The following PDGFC variants were observed in gnomAD, a reference collection of about 807,000 sequenced individuals.
PDGFC encodes platelet derived growth factor C.
In PDGFC, 12 loss-of-function variants were observed where a neutral mutation model predicts 35.5. The ratio of observed to expected loss-of-function variants is 0.34; its 90% CI spans 0.22 to 0.55. The LOEUF is 0.55. Ranked by LOEUF, PDGFC falls within the 20% of genes least tolerant of loss-of-function variation. PDGFC has a pLI of 0.91. For synonymous variants in PDGFC, 159 were observed against 148.8 expected (o/e 1.07, Z -0.50); for missense variants, 322 against 412.4 (o/e 0.78, Z 1.90).
chr4:156,824,327 T>TATATACACACATATACACATAC (rs1491500876), intron 2 of PDGFC, among the ~76,000 whole-genome samples: 7 of 102,830 alleles, frequency 6.8e-5, no homozygotes, highest in African/African-American at 3.2e-4. Context: ...TATATATATA[T>TATATACACACATATACACATAC]ACACACACAC....
intron 3 of PDGFC, among the ~76,000 whole-genome samples, chr4:156,782,439 A>G (rs552883122): frequency 6.6e-6 from 1 of 152,186 alleles, no homozygotes; most frequent in Non-Finnish European, 1.5e-5. Context: ...TAAAGTAACT[A>G]GTTAGCATGC....
At chr4:156,917,875 A>C (rs1383012419) in intron 1 of PDGFC, among the ~76,000 whole-genome samples, 2 of 152,202 alleles carry the variant, frequency 1.3e-5, no homozygotes, top group African/African-American at 4.8e-5. Context: ...GTAGGTTCAT[A>C]CTCTAAACCA....
At chr4:156,861,442 T>C in intron 1 of PDGFC, 4 of 1,243,846 alleles carry the variant, frequency 3.2e-6, no homozygotes, top group South Asian at 1.3e-5. Flanking sequence ...TTAAATGTTC[T>C]TTCTCCTCTT....
At chr4:156,859,770 G>A (rs995558646) in intron 1 of PDGFC, among the ~76,000 whole-genome samples, 3 of 151,976 alleles carry the variant, frequency 2.0e-5, no homozygotes, top group Non-Finnish European at 2.9e-5. Context: ...ATAGTTTGTG[G>A]GAAGACGGGT....
chr4:156,825,603 A>T (rs1284234686), intron 2 of PDGFC, among the ~76,000 whole-genome samples: 4 of 104,790 alleles, frequency 3.8e-5, no homozygotes, highest in Non-Finnish European at 7.9e-5. Flanking sequence ...TAAGAAGAAG[A>T]AGAAGAAGAA....
chr4:156,808,513 G>C (rs1731834235), intron 3 of PDGFC, among the ~76,000 whole-genome samples: 1 of 151,870 alleles, frequency 6.6e-6, no homozygotes, highest in Non-Finnish European at 1.5e-5. Context: ...GGGCTTGGAG[G>C]GACCCTTGCC....
chr4:156,801,118 G>C (rs1731593582), intron 3 of PDGFC, among the ~76,000 whole-genome samples: 1 of 152,044 alleles, frequency 6.6e-6, no homozygotes, highest in Non-Finnish European at 1.5e-5. Context: ...CCAGACGTTT[G>C]CATTTCTGAT....
At chr4:156,814,986 C>G (rs1026609973) in intron 2 of PDGFC, among the ~76,000 whole-genome samples, 1 of 152,030 alleles carries the variant, frequency 6.6e-6, no homozygotes, top group African/African-American at 2.4e-5. Context: ...GGATTTGCAG[C>G]GAGACAGCTG....
intron 2 of PDGFC, among the ~76,000 whole-genome samples, chr4:156,845,013 C>G (rs1301895601): frequency 6.6e-6 from 1 of 151,868 alleles, no homozygotes; most frequent in East Asian, 1.9e-4. Flanking sequence ...AACTAAATAT[C>G]TGAAGCAAAT....
chr4:156,837,740 T>C (rs1284380551), intron 2 of PDGFC, among the ~76,000 whole-genome samples: 2 of 152,092 alleles, frequency 1.3e-5, no homozygotes, highest in East Asian at 3.9e-4. Context: ...AGGGAGGTGT[T>C]GACAATAGAA....
intron 2 of PDGFC, among the ~76,000 whole-genome samples, chr4:156,835,071 G>C (rs1339332630): frequency 6.6e-6 from 1 of 152,164 alleles, no homozygotes; most frequent in Non-Finnish European, 1.5e-5. Flanking sequence ...TTTAGATGAG[G>C]TGTGGGATAG....
rs755681238 is a variant in PDGFC, at chr4:156,970,786, C to T, written c.118G>A (p.Gly40Arg). ...GGGGGAGAATGGGGGAAAGACTCAC[C>T]GTTCTGTTCCTTGTTGCTGGAAAAC... ...FQFSSNKEQN[G>R]VQDPQHERII... Residue 40 changes from glycine to arginine, a missense_variant and splice_region_variant, in exon 1 of 6, where the codon GGA becomes AGA. This residue lies in a region of PDGFC where 120 missense variants were observed against 116.6 expected (regional missense o/e 1.03). Transcript: ENST00000502773. 19 of 1,574,640 alleles carry T rather than the reference C, an allele frequency of 1.2e-5. No homozygotes were observed. Among genetic ancestry groups the T allele is most frequent in the Non-Finnish European group, 1.7e-5 (19 of 1,144,020 alleles).
At chr4:156,780,340 G>A (rs1730945082) in intron 3 of PDGFC, among the ~76,000 whole-genome samples, 1 of 151,890 alleles carries the variant, frequency 6.6e-6, no homozygotes, top group Admixed American at 6.6e-5. Flanking sequence ...TGTAAACTAA[G>A]AACTATTGGA....
At chr4:156,787,598 G>T (rs1423142254) in intron 3 of PDGFC, among the ~76,000 whole-genome samples, 2 of 152,086 alleles carry the variant, frequency 1.3e-5, no homozygotes, top group African/African-American at 4.8e-5. Flanking sequence ...GATGGGAGAA[G>T]TAATAGCCTT....
At chr4:156,868,814 A>C (rs1455685711) in intron 1 of PDGFC, among the ~76,000 whole-genome samples, 1 of 152,120 alleles carries the variant, frequency 6.6e-6, no homozygotes, top group African/African-American at 2.4e-5. Flanking sequence ...GTTCTTCTTC[A>C]AGATTCTATC....
Position 156,761,759 on chromosome 4 carries a change from T to TA in PDGFC, c.*1330dup, listed in dbSNP as rs1730381756. ...TTTCTTTTAAATTGCCAGAGTACAA[T>TA]AAGTGAACTGGTTAAGAGACATACT... On this transcript the variant is annotated 3_prime_UTR_variant, in exon 6 of 6. Coordinates refer to ENST00000502773, the MANE Select transcript of PDGFC (RefSeq NM_016205.3). 1 of 152,620 alleles carries TA rather than the reference T, an allele frequency of 6.6e-6. No homozygotes were observed. The highest frequency in any genetic ancestry group is 1.5e-5 in the Non-Finnish European group (1 of 68,016). 9.5% of individuals were successfully genotyped at this position (152,620 alleles called of 1,614,324 possible).
chr4:156,880,260 A>G (rs1297815713), intron 1 of PDGFC, among the ~76,000 whole-genome samples: 1 of 152,184 alleles, frequency 6.6e-6, no homozygotes, highest in African/African-American at 2.4e-5. Context: ...GTTAGGGACT[A>G]ACACCATTGG....
At chr4:156,870,779 T>C (rs1258428389) in intron 1 of PDGFC, among the ~76,000 whole-genome samples, 2 of 152,176 alleles carry the variant, frequency 1.3e-5, no homozygotes, top group Non-Finnish European at 2.9e-5. Context: ...ACTTTCTCAC[T>C]GATACATGTT....
chr4:156,839,789 T>C (rs1729154351), intron 2 of PDGFC, among the ~76,000 whole-genome samples: 1 of 152,164 alleles, frequency 6.6e-6, no homozygotes, highest in South Asian at 2.1e-4. Context: ...AAAATGTTGA[T>C]AGTGATATGC....
Sources: gnomAD v4.1 joint callset for allele counts (sites outside exome capture counted in the v4.1 genomes callset) on GRCh38, gnomAD v4.1.1 for gene constraint, gnomAD v4.1.1 regional missense constraint, MANE v1.5 for transcripts, NCBI Gene and HGNC (gene_info 2026-07-23, HGNC 2026-07-21) for gene names.